Variants in CHAF1A observed in about 807,000 individuals in gnomAD.
CHAF1A encodes CAF-1 subunit A.
A neutral mutation model predicts 93.2 loss-of-function variants in CHAF1A; 5 were observed. The observed-to-expected ratio is 0.05, with a 90% CI of 0.03 to 0.11. The LOEUF is 0.11. CHAF1A is among the 10% of genes least tolerant of loss of function. CHAF1A has a pLI of 1.00. For missense variants in CHAF1A, 1,102 were observed against 1,259.9 expected, an observed-to-expected ratio of 0.87 and a Z score of 1.90; for synonymous variants, 504 against 510.3, an observed-to-expected ratio of 0.99 and a Z score of 0.17.
At chr19:4,429,939 C>T (rs1217896514) in intron 10 of CHAF1A, 151 bp downstream of exon 10, 2 of 658,664 alleles carry the variant, frequency 3.0e-6, no homozygotes, top group East Asian at 5.6e-5. Context: ...GAACGCACCT[C>T]AACATCCAGA....
At chr19:4,411,307 G>A (rs939864601) in intron 3 of CHAF1A, among the ~76,000 whole-genome samples, 3 of 152,104 alleles carry the variant, frequency 2.0e-5, no homozygotes, top group Non-Finnish European at 4.4e-5. Context: ...TCAGCTCACT[G>A]CAACCTCCGC....
downstream of CHAF1A, chr19:4,445,432 G>A (rs1165365462): frequency 1.2e-6 from 2 of 1,601,324 alleles, no homozygotes; most frequent in South Asian, 1.1e-5. Flanking sequence ...GCCCTGGGGT[G>A]GCGGGGAGAG....
chr19:4,414,760 C>T (rs1445215834), intron 3 of CHAF1A, among the ~76,000 whole-genome samples: 8 of 152,102 alleles, frequency 5.3e-5, no homozygotes, highest in Admixed American at 5.2e-4. Flanking sequence ...CTTGAGCTTC[C>T]TTCTACAAGT....
chr19:4,446,516 G>T (rs145303168), downstream of CHAF1A: 243 of 1,610,228 alleles, frequency 1.5e-4, 1 homozygote, highest in African/African-American at 2.7e-3. Context: ...CTCTGCTCCC[G>T]CTTGATCTCC....
intron 3 of CHAF1A, among the ~76,000 whole-genome samples, chr19:4,413,643 T>C (rs761230789): frequency 3.0e-4 from 45 of 152,338 alleles, no homozygotes; most frequent in Admixed American, 2.4e-3. Context: ...CACTGTACTT[T>C]GTGGGCTGGC....
intron 14 of CHAF1A, 93 bp from the exon 15 acceptor site, chr19:4,442,832 G>T: frequency 1.1e-6 from 1 of 922,038 alleles, no homozygotes; most frequent in Non-Finnish European, 1.6e-6. Context: ...CCCTGGGGTT[G>T]TTGCAGGCCC....
rs536864548 is a variant in CHAF1A at position 4,429,570 on chromosome 19, A to G, written c.1737A>G (p.Ala579=). 21 of 1,613,892 alleles carry G rather than the reference A, an allele frequency of 1.3e-5. No individual in the cohort carries two copies. The Admixed American group carries it at 2.5e-4, about 19-fold the overall frequency. ...GGGGTACCTGGAATAAGAAGACGGC[A>G]CTCATCCGCGCGCGAGACCCCTGGG... The part of the protein sequence containing the change: ...AYWGTWNKKT[A]LIRARDPWAQ... The change falls in exon 9 of 15, where the codon GCA becomes GCG. Residue 579 remains alanine (A), a synonymous_variant. Transcript: ENST00000301280.
At chr19:4,447,088 C>T (rs932978834), downstream of CHAF1A, 53 of 644,832 alleles carry the variant, frequency 8.2e-5, no homozygotes, top group South Asian at 4.0e-4. Flanking sequence ...TGCTTTTCTA[C>T]GGTGGGGGCT....
intron 1 of CHAF1A, 27 bp downstream of exon 1, chr19:4,402,841 AG>A (rs976582672): frequency 5.6e-5 from 66 of 1,187,660 alleles, no homozygotes; most frequent in African/African-American, 1.3e-4. Flanking sequence ...GCCGAGGGGA[AG>A]GGGGGGCGCG....
At chr19:4,432,758 T>TAAAA (rs5826849) in intron 12 of CHAF1A, among the ~76,000 whole-genome samples, 7 of 135,926 alleles carry the variant, frequency 5.1e-5, no homozygotes, top group Non-Finnish European at 3.2e-5. Flanking sequence ...AGACCCTGTC[T>TAAAA]AAAAAAAAAA....
chr19:4,432,741 CAG>C (rs1974208518), intron 12 of CHAF1A, among the ~76,000 whole-genome samples: 1 of 143,048 alleles, frequency 7.0e-6, no homozygotes, highest in Non-Finnish European at 1.5e-5. Flanking sequence ...GCCTGGGTGA[CAG>C]AGCAAGACCC....
chr19:4,412,484 C>T (rs1048590921), intron 3 of CHAF1A, among the ~76,000 whole-genome samples: 5 of 151,986 alleles, frequency 3.3e-5, no homozygotes, highest in Non-Finnish European at 7.4e-5. Context: ...GCAGAGGTTG[C>T]GGTGGCCTGA....
chr19:4,417,920 G>T, intron 3 of CHAF1A, 100 bp from the exon 4 acceptor site: 2 of 735,910 alleles, frequency 2.7e-6, no homozygotes, highest in Non-Finnish European at 4.7e-6. Context: ...ATGACATTTT[G>T]GTTCTGTTGG....
intron 4 of CHAF1A, among the ~76,000 whole-genome samples, chr19:4,419,331 CTGAG>C (rs1347809417): frequency 6.6e-6 from 1 of 152,170 alleles, no homozygotes; most frequent in Non-Finnish European, 1.5e-5. Flanking sequence ...TCTGCGTTTA[CTGAG>C]TGTTTCCTGA....
intron 3 of CHAF1A, among the ~76,000 whole-genome samples, chr19:4,414,850 C>T (rs538224127): frequency 6.6e-6 from 1 of 152,228 alleles, no homozygotes; most frequent in Non-Finnish European, 1.5e-5. Context: ...CTTGCACTCT[C>T]TCATGCTTGG....
chr19:4,432,210 G>T lies in CHAF1A; in HGVS notation c.2203+3G>T. On this transcript the variant is annotated splice_donor_region_variant and intron_variant, in intron 12 of 14. Transcript: ENST00000301280. ...GCGGGAGAGGAGAGACGAGCAGAGT[G>T]AGTGTGGGCGGGGCCAGGCCACCCA... 6.3e-7 allele frequency: 1 copy of T among 1,596,948 alleles called. No individual in the cohort carries two copies. Among genetic ancestry groups the T allele is most frequent in the South Asian group, 1.1e-5 (1 of 90,370 alleles).
chr19:4,445,437 G>A (rs1282288923), downstream of CHAF1A: 1 of 1,603,866 alleles, frequency 6.2e-7, no homozygotes, highest in Non-Finnish European at 8.5e-7. Context: ...GGGGTGGCGG[G>A]GAGAGGAACA....
At chr19:4,446,409 C>T (rs751997809), downstream of CHAF1A, 92 of 1,578,140 alleles carry the variant, frequency 5.8e-5, no homozygotes, top group Middle Eastern at 6.7e-4. Flanking sequence ...TCCACCGCCT[C>T]GGACCTGCAC....
At position 4,432,047 on chromosome 19, in the gene CHAF1A, G is replaced by A; in HGVS notation, c.2043G>A (p.Leu681=). 4 of 1,614,172 alleles carry A rather than the reference G, an allele frequency of 2.5e-6. No homozygotes were observed. Among genetic ancestry groups the A allele is most frequent in the South Asian group, 1.1e-5 (1 of 91,086 alleles). Residue 681 remains leucine (L), a synonymous_variant, in exon 12 of 15, where the codon CTG becomes CTA. Transcript: ENST00000301280. The part of the protein sequence containing the change: ...FLAKGKRFRV[L]QPVKIGCVWA... The stretch of plus-strand genomic sequence containing the variant: ...CTAAGGGGAAGCGCTTTCGCGTCCT[G>A]CAACCTGTGAAGATCGGCTGCGTGT...
Sources: gnomAD v4.1 joint callset for allele counts (sites outside exome capture counted in the v4.1 genomes callset) on GRCh38, gnomAD v4.1.1 for gene constraint, MANE v1.5 for transcripts, NCBI Gene and HGNC (gene_info 2026-07-23, HGNC 2026-07-21) for gene names.